Variants in KLHL3 observed in about 807,000 individuals in gnomAD.
The protein encoded by KLHL3 is kelch like family member 3, also known as kelch-like protein 3.
Under a neutral mutation model 70.5 loss-of-function variants are expected in KLHL3, and 19 were observed. That is an observed-to-expected ratio of 0.27 (90% CI 0.19 to 0.40). The LOEUF is 0.40. KLHL3 is among the 10% of genes least tolerant of loss of function. The pLI, the probability that KLHL3 is intolerant of heterozygous loss-of-function variation, is 1.00. For missense variants in KLHL3, 512 were observed against 771.1 expected (o/e 0.66, Z 3.98); for synonymous variants, 258 against 290.3 (o/e 0.89, Z 1.13).
intron 3 of KLHL3, among the ~76,000 whole-genome samples, chr5:137,704,385 C>A (rs917702618): frequency 1.3e-5 from 2 of 151,736 alleles, no homozygotes; most frequent in Non-Finnish European, 2.9e-5. Flanking sequence ...GAGCAAGACT[C>A]CGTCTCAAAA....
At position 137,734,472 on chromosome 5, in the gene KLHL3, C is replaced by T. The variant is rs1444341186; in HGVS notation, c.14+1161G>A. Among the ~76,000 whole-genome samples, 3 of 152,312 alleles carry T rather than the reference C, an allele frequency of 2.0e-5. No individual in the cohort carries two copies. In the East Asian group the frequency reaches 5.8e-4, roughly 29 times the overall value. On this transcript the variant is annotated intron_variant, in intron 1 of 14. Transcript: ENST00000309755. ...GGCCTCTACAGACAAAAGAATGACACCCAATCATCATGCTAGTTCTAATAG... is the reference window on the plus strand; with the variant it reads ...GGCCTCTACAGACAAAAGAATGACATCCAATCATCATGCTAGTTCTAATAG...
At chr5:137,622,720 C>T (rs1304395849) in intron 14 of KLHL3, among the ~76,000 whole-genome samples, 1 of 152,228 alleles carries the variant, frequency 6.6e-6, no homozygotes, top group Admixed American at 6.5e-5. Context: ...ATAAATGCTC[C>T]AGACATGTAT....
intron 1 of KLHL3, among the ~76,000 whole-genome samples, chr5:137,733,400 C>G (rs1329323808): frequency 6.6e-6 from 1 of 152,186 alleles, no homozygotes; most frequent in Admixed American, 6.5e-5. Context: ...CAGCTAATAA[C>G]TATTCAGCAC....
At chr5:137,652,621 ATAGAAG>A (rs1213960364) in intron 8 of KLHL3, among the ~76,000 whole-genome samples, 1 of 152,230 alleles carries the variant, frequency 6.6e-6, no homozygotes, top group Non-Finnish European at 1.5e-5. Flanking sequence ...AGTTAAACTC[ATAGAAG>A]TAGAGAATAG....
intron 2 of KLHL3, 117 bp downstream of exon 2, chr5:137,720,348 T>G (rs1023144701): frequency 1.6e-6 from 2 of 1,222,054 alleles, no homozygotes; most frequent in Non-Finnish European, 2.3e-6. Flanking sequence ...TGACTAAGAA[T>G]GGATGGAAAG....
chr5:137,732,003 T>A (rs1258993322), intron 1 of KLHL3, among the ~76,000 whole-genome samples: 1 of 152,142 alleles, frequency 6.6e-6, no homozygotes, highest in African/African-American at 2.4e-5. Flanking sequence ...TCCCCACTCC[T>A]CCCTCCCTCC....
intron 8 of KLHL3, among the ~76,000 whole-genome samples, chr5:137,643,532 A>G (rs1355049203): frequency 6.6e-6 from 1 of 152,184 alleles, no homozygotes; most frequent in Non-Finnish European, 1.5e-5. Flanking sequence ...AGCTCAAGGC[A>G]GCAGGAAGAG....
intron 3 of KLHL3, among the ~76,000 whole-genome samples, chr5:137,702,333 C>A (rs2149924580): frequency 6.6e-6 from 1 of 152,248 alleles, no homozygotes; most frequent in Middle Eastern, 3.4e-3. Context: ...AGTCACTGAT[C>A]TGGAGGAGTC....
intron 3 of KLHL3, 47 bp from the exon 4 acceptor site, chr5:137,698,455 A>G: frequency 2.5e-6 from 4 of 1,609,636 alleles, no homozygotes; most frequent in Non-Finnish European, 3.4e-6. Flanking sequence ...GGTACCTGGG[A>G]TATGTTTACC....
chr5:137,626,018 A>G, intron 13 of KLHL3, 122 bp from the exon 14 acceptor site: 1 of 1,212,032 alleles, frequency 8.3e-7, no homozygotes, highest in Non-Finnish European at 1.1e-6. Flanking sequence ...GCAATACAAC[A>G]GAGATTTGGC....
At chr5:137,653,558 C>A (rs951868678) in intron 8 of KLHL3, among the ~76,000 whole-genome samples, 1 of 152,168 alleles carries the variant, frequency 6.6e-6, no homozygotes, top group Non-Finnish European at 1.5e-5. Flanking sequence ...TGAGATACTA[C>A]CACAGACCTA....
At chr5:137,628,805 AG>A (rs1262534103) in intron 12 of KLHL3, 2 of 160,842 alleles carry the variant, frequency 1.2e-5, no homozygotes, top group Non-Finnish European at 2.7e-5. Flanking sequence ...AAAGAAAAAA[AG>A]ACAAAAAATA....
intron 6 of KLHL3, among the ~76,000 whole-genome samples, chr5:137,670,608 T>C (rs1431414201): frequency 6.6e-6 from 1 of 152,084 alleles, no homozygotes; most frequent in African/African-American, 2.4e-5. Context: ...TAAAGAAACC[T>C]GGTTACTTTG....
chr5:137,697,036 T>C (rs1580769912), intron 4 of KLHL3, among the ~76,000 whole-genome samples: 1 of 152,142 alleles, frequency 6.6e-6, no homozygotes, highest in Admixed American at 6.5e-5. Context: ...CATGCTCATC[T>C]CCTCGGTGCA....
At chr5:137,688,305 A>G (rs1752236402) in intron 5 of KLHL3, among the ~76,000 whole-genome samples, 1 of 152,172 alleles carries the variant, frequency 6.6e-6, no homozygotes, top group Admixed American at 6.5e-5. Flanking sequence ...GGAGACTCTC[A>G]GCCTGAAGAT....
In KLHL3 at chr5:137,658,593, G is replaced by C. The variant is rs1751400167; in HGVS notation, c.754-313C>G. On this transcript the variant is annotated intron_variant, in intron 7 of 14. Coordinates refer to ENST00000309755, the MANE Select transcript of KLHL3 (RefSeq NM_017415.3). The stretch of plus-strand genomic sequence containing the variant: ...TTTGTTTGTTTTGAGGCTTAAATGA[G>C]TTTATGCAAAACAAAAGACAAGTAG... Among the ~76,000 whole-genome samples, 3 of 152,182 alleles carry C rather than the reference G, an allele frequency of 2.0e-5. No homozygotes were observed. In the South Asian group the frequency reaches 6.2e-4, roughly 32 times the overall value.
intron 8 of KLHL3, among the ~76,000 whole-genome samples, chr5:137,652,453 A>G (rs1751225383): frequency 6.6e-6 from 1 of 152,260 alleles, no homozygotes; most frequent in South Asian, 2.1e-4. Context: ...AAACTGTGGT[A>G]TACATATTTA....
chr5:137,723,042 TTTTA>T (rs1753027411), intron 1 of KLHL3, among the ~76,000 whole-genome samples: 1 of 152,218 alleles, frequency 6.6e-6, no homozygotes, highest in Non-Finnish European at 1.5e-5. Flanking sequence ...ATTTAAAACT[TTTTA>T]TTTTTCTCAT....
At chr5:137,680,562 G>A (rs1446960394) in intron 5 of KLHL3, among the ~76,000 whole-genome samples, 2 of 98,238 alleles carry the variant, frequency 2.0e-5, no homozygotes, top group Non-Finnish European at 4.2e-5. Flanking sequence ...TTTTTTTTTT[G>A]AGACAGAGTT....
Sources: gnomAD v4.1 joint callset for allele counts (sites outside exome capture counted in the v4.1 genomes callset) on GRCh38, gnomAD v4.1.1 for gene constraint, MANE v1.5 for transcripts, NCBI Gene and HGNC (gene_info 2026-07-23, HGNC 2026-07-21) for gene names.